The following CDKN2A variants were observed in gnomAD, a reference collection of about 807,000 sequenced individuals.
CDKN2A encodes the protein cyclin dependent kinase inhibitor 2A, also known as cyclin-dependent kinase inhibitor 2A.
A neutral mutation model predicts 11.1 loss-of-function variants in CDKN2A; 3 were observed. That is an observed-to-expected ratio of 0.27 (90% CI 0.12 to 0.70). CDKN2A has a LOEUF of 0.70. CDKN2A is among the 30% of genes least tolerant of loss of function. The pLI is 0.77. For synonymous variants in CDKN2A, 122 were observed against 108.1 expected (o/e 1.13, Z -0.80); for missense variants, 265 against 233.6 (o/e 1.13, Z -0.88).
intron 1 of CDKN2A, among the ~76,000 whole-genome samples, chr9:21,973,874 A>T (rs1031457634): frequency 3.3e-5 from 5 of 152,030 alleles, no homozygotes; most frequent in Non-Finnish European, 2.9e-5. Context: ...CTTCTGAATA[A>T]TTTTTCTCTC....
At chr9:21,976,507 G>C (rs1285526791), upstream of CDKN2A, among the ~76,000 whole-genome samples, 1 of 152,120 alleles carries the variant, frequency 6.6e-6, no homozygotes, top group Non-Finnish European at 1.5e-5. Context: ...CCTGAGGCCA[G>C]GAGTTCGAGA....
chr9:21,987,081 G>A (rs956883912), intron 2 of CDKN2A, among the ~76,000 whole-genome samples: 11 of 152,008 alleles, frequency 7.2e-5, no homozygotes, highest in Admixed American at 6.6e-4. Flanking sequence ...TAGCTTAAAA[G>A]CAGAAAAATG....
upstream of CDKN2A, among the ~76,000 whole-genome samples, chr9:21,978,129 AG>A (rs1295906232): frequency 4.1e-5 from 2 of 48,942 alleles, no homozygotes; most frequent in South Asian, 7.7e-4. Context: ...TGTAGGGGGG[AG>A]GGGGGAGGGA....
chr9:21,977,852 C>T (rs182287898), upstream of CDKN2A, among the ~76,000 whole-genome samples: 66 of 152,068 alleles, frequency 4.3e-4, no homozygotes, highest in Admixed American at 1.5e-3. Context: ...GAAACTCTAC[C>T]ATGGATTCCT....
intron 2 of CDKN2A, chr9:21,989,655 C>G (rs2131139279): frequency 6.6e-6 from 1 of 152,290 alleles, no homozygotes; most frequent in South Asian, 2.1e-4. Context: ...CCATCCCCTC[C>G]AAAACAAGGC....
rs80042433 is a variant in CDKN2A at position 21,988,548 on chromosome 9, C to G, written c.-4+5334G>C. Among the ~76,000 whole-genome samples the G allele has an allele frequency of 7.2e-5, 11 of 152,108 alleles. No homozygotes were observed. Among genetic ancestry groups the G allele is most frequent in the Middle Eastern group, 3.4e-3 (1 of 294 alleles). On this transcript the variant is annotated intron_variant, in intron 2 of 3. Transcript: ENST00000494262. This position sits in a 1 kb window ranked among gnomAD's most constrained non-coding sequence, Gnocchi z 4.1. ...TTCTTCAACCACCCTTTTTAAAAAA[C>G]AAATGCTAATTGGACATAAATATGA... is the stretch of plus-strand genomic sequence containing the variant.
At chr9:21,976,407 G>A (rs979078785), upstream of CDKN2A, among the ~76,000 whole-genome samples, 2 of 140,464 alleles carry the variant, frequency 1.4e-5, no homozygotes, top group African/African-American at 5.3e-5. Context: ...GCTTTGGATA[G>A]AATTATCACT....
At chr9:21,973,518 G>C (rs576775930) in intron 1 of CDKN2A, among the ~76,000 whole-genome samples, 1 of 152,210 alleles carries the variant, frequency 6.6e-6, no homozygotes, top group East Asian at 1.9e-4. Flanking sequence ...GGACTACAAA[G>C]CCAAACTCCC....
intron 2 of CDKN2A, among the ~76,000 whole-genome samples, chr9:21,984,962 T>C (rs568614389): frequency 6.6e-6 from 1 of 152,132 alleles, no homozygotes; most frequent in African/African-American, 2.4e-5. Flanking sequence ...TAGACCATTC[T>C]TCCCCAAATC....
chr9:21,994,104 G>C (rs1324642113), intron 1 of CDKN2A: 2 of 1,590,362 alleles, frequency 1.3e-6, no homozygotes, highest in Non-Finnish European at 1.7e-6. Context: ...AACAAGTGCC[G>C]AATGCGCCCC....
In CDKN2A at chr9:21,971,147, T is replaced by C. The variant is rs559848002; in HGVS notation, c.212A>G (p.Asn71Ser). ...GGTGAGAGTGGCGGGGTCGGCGCAG[T>C]TGGGCTCCGCGCCGTGGAGCAGCAG... ...ELLLLHGAEP[N>S]CADPATLTRP... Residue 71 changes from asparagine to serine, a missense_variant, in exon 2 of 3, where the codon AAC becomes AGC. Asn to Ser is a conservative substitution (Grantham distance 46, BLOSUM62 1). Coordinates refer to ENST00000304494, the MANE Select transcript of CDKN2A (RefSeq NM_000077.5). 3.8e-6 allele frequency: 6 copies of C among 1,593,656 alleles called. No homozygotes were observed. The highest frequency in any genetic ancestry group is 1.9e-4 in the Middle Eastern group (1 of 5,328).
chr9:21,974,769 G>C lies in CDKN2A; in HGVS notation c.59C>G (p.Ala20Gly), dbSNP rs864622484. Residue 20 changes from alanine to glycine, a missense_variant, in exon 1 of 3, where the codon GCG becomes GGG. By Grantham distance (60) the Ala-to-Gly change is moderately conservative. Coordinates refer to ENST00000304494, the MANE Select transcript of CDKN2A (RefSeq NM_000077.5). This position sits in a 1 kb window ranked among gnomAD's most constrained non-coding sequence, Gnocchi z 5.2. ...CACCTCCTCTACCCGACCCCGGGCC[G>C]CGGCCGTGGCCAGCCAGTCAGCCGA... ...EPSADWLATA[A>G]ARGRVEEVRA... 1.2e-6 allele frequency: 2 copies of C among 1,607,656 alleles called. No homozygotes were observed. The highest frequency in any genetic ancestry group is 1.7e-6 in the Non-Finnish European group (2 of 1,179,062).
rs780422463 is a variant in CDKN2A, at chr9:21,988,535, C to G, written c.-4+5347G>C. Among the ~76,000 whole-genome samples the G allele has an allele frequency of 3.3e-5, 5 of 152,070 alleles. No individual in the cohort carries two copies. The highest frequency in any genetic ancestry group is 2.1e-4 in the South Asian group (1 of 4,808). ...AAGCACTGAGAATTTCTTCAACCAC[C>G]CTTTTTAAAAAACAAATGCTAATTG... On this transcript the variant is annotated intron_variant, in intron 2 of 3. Transcript: ENST00000494262. The surrounding 1 kb of genome is among the most constrained non-coding windows in gnomAD (Gnocchi z 4.1).
At position 21,991,976 on chromosome 9, in the gene CDKN2A, A is replaced by C; in HGVS notation, c.-4+1906T>G. The C allele has an allele frequency of 2.0e-6, 2 of 983,198 alleles. No individual in the cohort carries two copies. The highest frequency in any genetic ancestry group is 2.4e-6 in the Non-Finnish European group (2 of 827,862). 60.9% of individuals were successfully genotyped at this position (983,198 alleles called of 1,614,324 possible). The stretch of plus-strand genomic sequence containing the variant: ...AAATGAATATTTAACTTCATAATAA[A>C]AATATGACTATTTTGTAAATGCACC... On this transcript the variant is annotated intron_variant, in intron 2 of 3. Coordinates refer to the CDKN2A transcript ENST00000494262. The surrounding 1 kb of genome is among the most constrained non-coding windows in gnomAD (Gnocchi z 5.2).
rs905989465 is a variant in CDKN2A at position 21,974,856 on chromosome 9, T to C, written c.-29A>G. 3 of 1,520,306 alleles carry C rather than the reference T, an allele frequency of 2.0e-6. No homozygotes were observed. Among genetic ancestry groups the C allele is most frequent in the Non-Finnish European group, 2.6e-6 (3 of 1,141,932 alleles). The allele number at this position is 1,520,306 out of a possible 1,614,324, so 94.2% of individuals were successfully genotyped here. On this transcript the variant is annotated 5_prime_UTR_variant, in exon 1 of 3. Coordinates refer to ENST00000304494, the MANE Select transcript of CDKN2A (RefSeq NM_000077.5). This position sits in a 1 kb window ranked among gnomAD's most constrained non-coding sequence, Gnocchi z 5.2. ...GCTCCCCGCCGCCCGCTGCCTGCTC[T>C]CCCCCTCTCCGCAGCCGCCGAGCGC...
chr9:21,970,834 G>C (rs2131090637), intron 2 of CDKN2A, 68 bp downstream of exon 2: 1 of 1,581,890 alleles, frequency 6.3e-7, no homozygotes, highest in Non-Finnish European at 8.6e-7. Flanking sequence ...AACTTTCTGT[G>C]CTGGAAAATG....
chr9:21,993,142 A>G (rs1820471679), intron 2 of CDKN2A, among the ~76,000 whole-genome samples: 2 of 152,248 alleles, frequency 1.3e-5, no homozygotes, highest in South Asian at 4.1e-4. Context: ...TTTTGAAGCT[A>G]TATATTCCTG....
chr9:21,974,896 A>C (rs1000139090), upstream of CDKN2A: 1 of 1,449,568 alleles, frequency 6.9e-7, no homozygotes, highest in Non-Finnish European at 9.0e-7. The surrounding 1 kb of genome is among the most constrained non-coding windows in gnomAD (Gnocchi z 5.2). Context: ...GGTCCGCCCC[A>C]CCCTCTGGTG....
At chr9:21,980,241 A>G (rs1315595993) in intron 2 of CDKN2A, among the ~76,000 whole-genome samples, 1 of 152,202 alleles carries the variant, frequency 6.6e-6, no homozygotes, top group African/African-American at 2.4e-5. Flanking sequence ...GAGGTGAGAT[A>G]ATACACACAT....
Sources: allele counts gnomAD v4.1 joint callset (sites outside exome capture counted in the v4.1 genomes callset), GRCh38; gene constraint gnomAD v4.1.1; non-coding constraint Gnocchi (gnomAD v3.1); transcripts MANE v1.5; gene names NCBI Gene and HGNC (gene_info 2026-07-23, HGNC 2026-07-21).